The following SPRYD4 variants were observed in gnomAD, a reference collection of about 807,000 sequenced individuals.
SPRYD4 encodes SPRY domain containing 4, also known as SPRY domain-containing protein 4.
In SPRYD4, 12 loss-of-function variants were observed where a neutral mutation model predicts 16.6. The ratio of observed to expected loss-of-function variants is 0.72; its 90% CI spans 0.46 to 1.17. The LOEUF is 1.17. Among genes scored for constraint, SPRYD4 ranks in the 50% most tolerant of loss-of-function variants. The probability of loss-of-function intolerance (pLI) is 0.00; values close to 1 mark genes in which losing one functional copy is unlikely to be tolerated. For synonymous variants in SPRYD4, 98 were observed against 105.4 expected (o/e 0.93, Z 0.43); for missense variants, 260 against 260.2 (o/e 1.00, Z 0.00).
Position 56,472,204 on chromosome 12 carries a change from A to T in SPRYD4, c.*2627A>T. 6.2e-7 allele frequency: 1 copy of T among 1,613,886 alleles called. No homozygotes were observed. The highest frequency in any genetic ancestry group is 8.5e-7 in the Non-Finnish European group (1 of 1,179,790). On this transcript the variant is annotated 3_prime_UTR_variant, in exon 2 of 2. Transcript: ENST00000338146. ...TGGCTGACAAGGCAAACCTGAGGGT[A>T]GTGGGAAAGCAGCTAGAGTTGCCTA...
At position 56,473,825 on chromosome 12, in the gene SPRYD4, T is replaced by C; in HGVS notation, c.*4248T>C. The C allele has an allele frequency of 2.0e-6, 1 of 493,740 alleles. No individual in the cohort carries two copies. Among genetic ancestry groups the C allele is most frequent in the Non-Finnish European group, 3.5e-6 (1 of 288,670 alleles). The allele number at this position is 493,740 out of a possible 1,614,324, so 30.6% of individuals were successfully genotyped here. A position where few individuals can be genotyped will look rare whatever the true frequency, so the allele number is the denominator to read the frequency against. On this transcript the variant is annotated 3_prime_UTR_variant, in exon 2 of 2. Coordinates refer to ENST00000338146, the MANE Select transcript of SPRYD4 (RefSeq NM_207344.4). ...AATACTTACAGCATTCTGTGCTAGATGCTGTGCTAGAACTAGGAACTTCCA... is the reference window on the plus strand; with the variant it reads ...AATACTTACAGCATTCTGTGCTAGACGCTGTGCTAGAACTAGGAACTTCCA...
rs1348077273 is a variant in SPRYD4 at position 56,471,695 on chromosome 12, T to C, written c.*2118T>C. ...CAAAGGAGACGTGGAGAGTGGTGGT[T>C]GTATATATTTGCATGGTGGCTGGAG... On this transcript the variant is annotated 3_prime_UTR_variant, in exon 2 of 2. Coordinates refer to ENST00000338146, the MANE Select transcript of SPRYD4 (RefSeq NM_207344.4). 6.2e-7 allele frequency: 1 copy of C among 1,612,010 alleles called. No homozygotes were observed. Among genetic ancestry groups the C allele is most frequent in the Non-Finnish European group, 8.5e-7 (1 of 1,178,146 alleles).
chr12:56,468,841 C>CG, intron 1 of SPRYD4, 165 bp downstream of exon 1: 4 of 1,029,934 alleles, frequency 3.9e-6, no homozygotes, highest in Non-Finnish European at 5.5e-6. Flanking sequence ...CTTTAAATTC[C>CG]GGGACTTACT....
At position 56,478,470 on chromosome 12, in the gene SPRYD4, T is replaced by C; in HGVS notation, c.*8893T>C. ...TTGTGTATCCGCAATCCTGTAGAGATAGCAGTAAAGCCAATGGAAGTTAAA... is the reference window on the plus strand; with the variant it reads ...TTGTGTATCCGCAATCCTGTAGAGACAGCAGTAAAGCCAATGGAAGTTAAA... On this transcript the variant is annotated 3_prime_UTR_variant, in exon 2 of 2. Coordinates refer to ENST00000338146, the MANE Select transcript of SPRYD4 (RefSeq NM_207344.4). 1 of 568,602 alleles carries C rather than the reference T, an allele frequency of 1.8e-6. No individual in the cohort carries two copies. The highest frequency in any genetic ancestry group is 3.1e-6 in the Non-Finnish European group (1 of 318,668). 35.2% of individuals were successfully genotyped at this position (568,602 alleles called of 1,614,324 possible).
chr12:56,478,974 ACT>A lies in SPRYD4; in HGVS notation c.*9400_*9401del, dbSNP rs2136189004. The A allele has an allele frequency of 8.6e-6, 13 of 1,518,736 alleles. No homozygotes were observed. In the South Asian group the frequency reaches 1.2e-4, roughly 15 times the overall value. 94.1% of individuals were successfully genotyped at this position (1,518,736 alleles called of 1,614,324 possible). A position where few individuals can be genotyped will look rare whatever the true frequency, so the allele number is the denominator to read the frequency against. On this transcript the variant is annotated 3_prime_UTR_variant, in exon 2 of 2. Transcript: ENST00000338146. ...ACTCCAGCCCGGGTGACAGAGCAAA[ACT>A]CTGTCTCAGGAAAAAAAAAAAAAAA...
In SPRYD4 at chr12:56,472,482, A is replaced by G. The variant is rs1869372687; in HGVS notation, c.*2905A>G. ...CCTAGGACACTGCTCTTAACACTCA[A>G]TAACAATGGCTAACATTAATTATCA... On this transcript the variant is annotated 3_prime_UTR_variant, in exon 2 of 2. Transcript: ENST00000338146. The G allele has an allele frequency of 4.9e-6, 3 of 613,330 alleles. No individual in the cohort carries two copies. The highest frequency in any genetic ancestry group is 8.6e-6 in the Non-Finnish European group (3 of 349,994). 38.0% of individuals were successfully genotyped at this position (613,330 alleles called of 1,614,324 possible).
At position 56,475,904 on chromosome 12, in the gene SPRYD4, T is replaced by C. The variant is rs370909086; in HGVS notation, c.*6327T>C. 1.2e-5 allele frequency: 19 copies of C among 1,610,842 alleles called. No homozygotes were observed. The African/African-American group carries it at 1.5e-4, about 12-fold the overall frequency. ...GGCAGCTGGAGAGGACAGCATGCCA[T>C]GGCGAAATGCAGCCAGGGGCTAAGT... On this transcript the variant is annotated 3_prime_UTR_variant, in exon 2 of 2. Transcript: ENST00000338146.
chr12:56,472,822 T>G lies in SPRYD4; in HGVS notation c.*3245T>G, dbSNP rs867382834. ...TGCCAGCTGTGCCCTGTGACCCTCC[T>G]CCATGGATGCTTAGTCCAAGGGTAT... On this transcript the variant is annotated 3_prime_UTR_variant, in exon 2 of 2. Transcript: ENST00000338146. 33 of 1,250,300 alleles carry G rather than the reference T, an allele frequency of 2.6e-5. No homozygotes were observed. The highest frequency in any genetic ancestry group is 3.9e-5 in the Non-Finnish European group (33 of 852,622). 77.5% of individuals were successfully genotyped at this position (1,250,300 alleles called of 1,614,324 possible).
Position 56,472,812 on chromosome 12 carries a change from G to T in SPRYD4, c.*3235G>T. On this transcript the variant is annotated 3_prime_UTR_variant, in exon 2 of 2. Transcript: ENST00000338146. ...AACTCACCTATGCCAGCTGTGCCCTGTGACCCTCCTCCATGGATGCTTAGT... is the reference window on the plus strand; with the variant it reads ...AACTCACCTATGCCAGCTGTGCCCTTTGACCCTCCTCCATGGATGCTTAGT... The T allele has an allele frequency of 7.0e-7, 1 of 1,418,540 alleles. No individual in the cohort carries two copies. Among genetic ancestry groups the T allele is most frequent in the Non-Finnish European group, 1.0e-6 (1 of 1,003,402 alleles). The allele number at this position is 1,418,540 out of a possible 1,614,324, so 87.9% of individuals were successfully genotyped here.
rs1869600583 is a variant in SPRYD4, at chr12:56,474,381, G to A, written c.*4804G>A. 5.1e-6 allele frequency: 4 copies of A among 787,350 alleles called. No homozygotes were observed. The highest frequency in any genetic ancestry group is 8.0e-6 in the Non-Finnish European group (4 of 502,772). 48.8% of individuals were successfully genotyped at this position (787,350 alleles called of 1,614,324 possible). On this transcript the variant is annotated 3_prime_UTR_variant, in exon 2 of 2. Coordinates refer to ENST00000338146, the MANE Select transcript of SPRYD4 (RefSeq NM_207344.4). ...TCTCTTTATATATTCGAGGAACTTG[G>A]TGTTTTTGAGAAACTCGTCTAAGGA...
At position 56,469,680 on chromosome 12, in the gene SPRYD4, T is replaced by C; in HGVS notation, c.*103T>C. 2 of 1,147,864 alleles carry C rather than the reference T, an allele frequency of 1.7e-6. No homozygotes were observed. The highest frequency in any genetic ancestry group is 2.4e-6 in the Non-Finnish European group (2 of 827,928). 71.1% of individuals were successfully genotyped at this position (1,147,864 alleles called of 1,614,324 possible). On this transcript the variant is annotated 3_prime_UTR_variant, in exon 2 of 2. Transcript: ENST00000338146. Reference sequence around the variant, plus strand: ...CTCAAGCAACCTCTAGCTCCCACAATTCAGTGTTGGGTCCTCTGTGCAATA... The same window carrying C: ...CTCAAGCAACCTCTAGCTCCCACAACTCAGTGTTGGGTCCTCTGTGCAATA...
Position 56,475,544 on chromosome 12 carries a change from C to T in SPRYD4, c.*5967C>T. The T allele has an allele frequency of 7.0e-7, 1 of 1,424,230 alleles. No individual in the cohort carries two copies. Among genetic ancestry groups the T allele is most frequent in the South Asian group, 1.2e-5 (1 of 83,588 alleles). The allele number at this position is 1,424,230 out of a possible 1,614,324, so 88.2% of individuals were successfully genotyped here. ...TTTCTTCCTCCTAAGATTCTCTCTC[C>T]CCCATTCCTCTTGTCCCCATCCTAA... On this transcript the variant is annotated 3_prime_UTR_variant, in exon 2 of 2. Transcript: ENST00000338146.
chr12:56,478,121 A>G lies in SPRYD4; in HGVS notation c.*8544A>G. 1 of 1,614,044 alleles carries G rather than the reference A, an allele frequency of 6.2e-7. No individual in the cohort carries two copies. Among genetic ancestry groups the G allele is most frequent in the Non-Finnish European group, 8.5e-7 (1 of 1,179,922 alleles). On this transcript the variant is annotated 3_prime_UTR_variant, in exon 2 of 2. Coordinates refer to ENST00000338146, the MANE Select transcript of SPRYD4 (RefSeq NM_207344.4). The stretch of plus-strand genomic sequence containing the variant: ...CCTGGAGGCAGACAGATGCCATGAA[A>G]GGGGTTGGCCTGTGTTCGGCACCTG...
chr12:56,476,041 A>G lies in SPRYD4; in HGVS notation c.*6464A>G. ...GGAGGATGACAGAGGGAAGGGTCAG[A>G]AGGATCTAGTGGAGTTCTAGTGTTA... On this transcript the variant is annotated 3_prime_UTR_variant, in exon 2 of 2. Coordinates refer to ENST00000338146, the MANE Select transcript of SPRYD4 (RefSeq NM_207344.4). 3 of 1,522,492 alleles carry G rather than the reference A, an allele frequency of 2.0e-6. No individual in the cohort carries two copies. Among genetic ancestry groups the G allele is most frequent in the Non-Finnish European group, 2.7e-6 (3 of 1,105,808 alleles). 94.3% of individuals were successfully genotyped at this position (1,522,492 alleles called of 1,614,324 possible). A position where few individuals can be genotyped will look rare whatever the true frequency, so the allele number is the denominator to read the frequency against.
At position 56,474,946 on chromosome 12, in the gene SPRYD4, C is replaced by T. The variant is rs1199193709; in HGVS notation, c.*5369C>T. The T allele has an allele frequency of 3.7e-6, 6 of 1,613,798 alleles. No homozygotes were observed. The African/African-American group carries it at 8.0e-5, about 22-fold the overall frequency. On this transcript the variant is annotated 3_prime_UTR_variant, in exon 2 of 2. Transcript: ENST00000338146. ...TTTCTCTTCAGGACATCAGCCCTTT[C>T]ACACTGTCAGGGTCTCAGCTGAAGC...
rs867842819 is a variant in SPRYD4, at chr12:56,478,804, C to A, written c.*9227C>A. 9 of 400,614 alleles carry A rather than the reference C, an allele frequency of 2.2e-5. No individual in the cohort carries two copies. The Middle Eastern group carries it at 2.2e-3, about 98-fold the overall frequency. The allele number at this position is 400,614 out of a possible 1,614,324, so 24.8% of individuals were successfully genotyped here. ...GATCAGGAGTTCGAGACCAGCCTGG[C>A]CAATATGGCAAAACCCCATCTCTAC... On this transcript the variant is annotated 3_prime_UTR_variant, in exon 2 of 2. Transcript: ENST00000338146.
chr12:56,473,653 C>CT lies in SPRYD4; in HGVS notation c.*4076_*4077insT. On this transcript the variant is annotated 3_prime_UTR_variant, in exon 2 of 2. Coordinates refer to ENST00000338146, the MANE Select transcript of SPRYD4 (RefSeq NM_207344.4). ...GGTGTGCCCCAAATCAGAAAATAAA[C>CT]AAGTTAGGCTGTACTCTTAACAAGT... The CT allele has an allele frequency of 6.4e-7, 1 of 1,558,714 alleles. No homozygotes were observed. Among genetic ancestry groups the CT allele is most frequent in the East Asian group, 2.3e-5 (1 of 44,042 alleles).
rs950761983 is a variant in SPRYD4, at chr12:56,478,544, T to C, written c.*8967T>C. Reference sequence around the variant, plus strand: ...TCCCCTTTTGGTTCTTAGGCTCAGTTACCCTATAAATCCCTTTGAAGGCTC... The same window carrying C: ...TCCCCTTTTGGTTCTTAGGCTCAGTCACCCTATAAATCCCTTTGAAGGCTC... On this transcript the variant is annotated 3_prime_UTR_variant, in exon 2 of 2. Coordinates refer to ENST00000338146, the MANE Select transcript of SPRYD4 (RefSeq NM_207344.4). 3.0e-5 allele frequency: 13 copies of C among 433,830 alleles called. No individual in the cohort carries two copies. Among genetic ancestry groups the C allele is most frequent in the South Asian group, 2.7e-4 (11 of 40,192 alleles). 26.9% of individuals were successfully genotyped at this position (433,830 alleles called of 1,614,324 possible). A position where few individuals can be genotyped will look rare whatever the true frequency, so the allele number is the denominator to read the frequency against.
Position 56,473,319 on chromosome 12 carries a change from T to C in SPRYD4, c.*3742T>C, listed in dbSNP as rs1869481685. On this transcript the variant is annotated 3_prime_UTR_variant, in exon 2 of 2. Transcript: ENST00000338146. Reference sequence around the variant, plus strand: ...GTGGAAATTGAAGAGAGACACCAACTTCTAGAATTGTAAGCCAAATATATT... The same window carrying C: ...GTGGAAATTGAAGAGAGACACCAACCTCTAGAATTGTAAGCCAAATATATT... 1 of 1,614,166 alleles carries C rather than the reference T, an allele frequency of 6.2e-7. No individual in the cohort carries two copies. Among genetic ancestry groups the C allele is most frequent in the African/African-American group, 1.3e-5 (1 of 75,048 alleles).
Sources: allele counts gnomAD v4.1 joint callset, GRCh38; gene constraint gnomAD v4.1.1; transcripts MANE v1.5; gene names NCBI Gene and HGNC (gene_info 2026-07-23, HGNC 2026-07-21).